SUZ12: variants seen among roughly 807,000 people sequenced by gnomAD.
The protein encoded by SUZ12 is polycomb protein SUZ12.
Under a neutral mutation model 87.3 loss-of-function variants are expected in SUZ12, and 17 were observed. That is an observed-to-expected ratio of 0.19 (90% confidence interval 0.13 to 0.29). SUZ12 has a LOEUF of 0.29. SUZ12 is among the 10% of genes least tolerant of loss of function. The pLI is 1.00. For missense variants in SUZ12, 526 were observed against 912.2 expected (o/e 0.58, Z 5.45); for synonymous variants, 253 against 312.4 (o/e 0.81, Z 2.01).
At chr17:31,996,975 A>G (rs915273487) in intron 15 of SUZ12, 98 bp downstream of exon 15, 1 of 827,044 alleles carries the variant, frequency 1.2e-6, no homozygotes, top group African/African-American at 1.8e-5. Context: ...AATCTTATTT[A>G]AAATTCCATT....
chr17:31,945,001 G>A (rs914968401), intron 3 of SUZ12, among the ~76,000 whole-genome samples: 137 of 147,244 alleles, frequency 9.3e-4, no homozygotes, highest in Non-Finnish European at 1.4e-3. Flanking sequence ...CCAGAAGTTC[G>A]AAGGTTGCTA....
chr17:31,941,509 G>A (rs549729191), intron 3 of SUZ12, among the ~76,000 whole-genome samples: 26 of 150,928 alleles, frequency 1.7e-4, no homozygotes, highest in Middle Eastern at 6.8e-3. Flanking sequence ...CACCCGCCTC[G>A]GCCTCCTAAA....
chr17:31,937,436 G>T lies in SUZ12; in HGVS notation c.190G>T (p.Ala64Ser), dbSNP rs1261008325. 11 of 1,541,236 alleles carry T rather than the reference G, an allele frequency of 7.1e-6. No homozygotes were observed. The highest frequency in any genetic ancestry group is 3.6e-5 in the South Asian group (3 of 83,710). ...CTCCTCCTCCTCCGCGGCGGCAGCG[G>T]CGGGGGCTGCGGTGTTACCGGTGAA... is the stretch of plus-strand genomic sequence containing the variant. ...ASSSSSAAAA[A>S]GAAVLPVKKP... Residue 64 changes from alanine to serine, a missense_variant, in exon 1 of 16, where the codon GCG becomes TCG. This residue lies in a region of SUZ12 where 92 missense variants were observed against 109.9 expected (regional missense o/e 0.84). Coordinates refer to ENST00000322652, the MANE Select transcript of SUZ12 (RefSeq NM_015355.4).
chr17:31,968,448 T>C (rs1407955856), intron 5 of SUZ12, among the ~76,000 whole-genome samples: 2 of 152,100 alleles, frequency 1.3e-5, no homozygotes, highest in African/African-American at 4.8e-5. Flanking sequence ...CCCAGGCTGG[T>C]CTCAAACTCC....
At chr17:31,941,844 C>T (rs1308939463) in intron 3 of SUZ12, among the ~76,000 whole-genome samples, 2 of 151,256 alleles carry the variant, frequency 1.3e-5, no homozygotes, top group Non-Finnish European at 2.9e-5. Context: ...CCACCATGCC[C>T]AGCCTGACCT....
chr17:31,956,060 C>T, intron 4 of SUZ12, among the ~76,000 whole-genome samples: 1 of 151,906 alleles, frequency 6.6e-6, no homozygotes, highest in Middle Eastern at 3.2e-3. Flanking sequence ...CTATAGGCGC[C>T]TGCCACCACG....
chr17:31,940,788 G>A (rs1249019918), intron 3 of SUZ12, among the ~76,000 whole-genome samples: 2 of 151,764 alleles, frequency 1.3e-5, no homozygotes, highest in South Asian at 2.1e-4. Flanking sequence ...CAAGTTGGGC[G>A]GATCACTTGA....
intron 3 of SUZ12, among the ~76,000 whole-genome samples, chr17:31,946,355 GA>G (rs1879755707): frequency 6.6e-6 from 1 of 152,120 alleles, no homozygotes; most frequent in Admixed American, 6.6e-5. Flanking sequence ...CCAACATGGT[GA>G]AACCCTGTCT....
intron 10 of SUZ12, among the ~76,000 whole-genome samples, chr17:31,990,303 G>T (rs781335049): frequency 3.3e-5 from 5 of 151,214 alleles, no homozygotes; most frequent in African/African-American, 4.9e-5. Context: ...GTAGAGATGG[G>T]GTTTCACCGT....
At chr17:31,953,092 G>A (rs904638259) in intron 4 of SUZ12, among the ~76,000 whole-genome samples, 1 of 152,028 alleles carries the variant, frequency 6.6e-6, no homozygotes, top group African/African-American at 2.4e-5. Flanking sequence ...ACTTTTATTA[G>A]GGTTATTTTC....
intron 3 of SUZ12, among the ~76,000 whole-genome samples, chr17:31,946,963 A>C (rs1906675663): frequency 6.6e-6 from 1 of 152,194 alleles, no homozygotes; most frequent in East Asian, 1.9e-4. Flanking sequence ...TGATGTCAAC[A>C]ACTGTCTCTT....
chr17:31,962,994 G>A (rs1447498487), intron 4 of SUZ12, among the ~76,000 whole-genome samples: 6 of 152,328 alleles, frequency 3.9e-5, no homozygotes, highest in African/African-American at 1.2e-4. Flanking sequence ...AGCTAATTCT[G>A]CTATGTAAGG....
intron 4 of SUZ12, among the ~76,000 whole-genome samples, chr17:31,958,846 A>AAAAG (rs1174096373): frequency 6.6e-6 from 1 of 151,896 alleles, no homozygotes; most frequent in Admixed American, 6.6e-5. Flanking sequence ...CTCTGTCTCA[A>AAAAG]AAATAAATAA....
rs146232202 is a variant in SUZ12 at position 31,986,950 on chromosome 17, A to G, written c.1024-1370A>G. ...AATAAATTGAAGCTCATTGAAGACT[A>G]CTTGATCTCTCCTATATTTGAATAG... On this transcript the variant is annotated intron_variant, in intron 9 of 15. Coordinates refer to ENST00000322652, the MANE Select transcript of SUZ12 (RefSeq NM_015355.4). 3.0e-3 allele frequency among the ~76,000 whole-genome samples: 461 copies of G among 152,346 alleles called. 2 individuals are homozygous for G. The highest frequency in any genetic ancestry group is 0.011 in the African/African-American group (441 of 41,582).
At position 31,937,206 on chromosome 17, in the gene SUZ12, G is replaced by T; in HGVS notation, c.-41G>T. On this transcript the variant is annotated 5_prime_UTR_variant, in exon 1 of 16. Transcript: ENST00000322652. ...TTGCAGGCGCTTGCTCTCCGGGGCC[G>T]CCCGGCGGGTAGCTGGCGGGGGGAG... is the stretch of plus-strand genomic sequence containing the variant. 1.4e-6 allele frequency: 2 copies of T among 1,394,416 alleles called. No homozygotes were observed. Among genetic ancestry groups the T allele is most frequent in the Non-Finnish European group, 1.8e-6 (2 of 1,084,796 alleles). The allele number at this position is 1,394,416 out of a possible 1,614,324, so 86.4% of individuals were successfully genotyped here.
intron 9 of SUZ12, among the ~76,000 whole-genome samples, chr17:31,986,167 C>T (rs1033297180): frequency 2.0e-5 from 3 of 152,168 alleles, no homozygotes; most frequent in Non-Finnish European, 4.4e-5. Flanking sequence ...GTCTCAAACT[C>T]CTGACCTAAG....
At chr17:31,968,800 C>G (rs1908243746) in intron 5 of SUZ12, among the ~76,000 whole-genome samples, 1 of 152,110 alleles carries the variant, frequency 6.6e-6, no homozygotes, top group Non-Finnish European at 1.5e-5. Flanking sequence ...CATTCATTAG[C>G]CCTTTGTTCT....
At position 31,944,464 on chromosome 17, in the gene SUZ12, C is replaced by T. The variant is rs1011227953; in HGVS notation, c.387-3153C>T. Among the ~76,000 whole-genome samples, 4 of 152,092 alleles carry T rather than the reference C, an allele frequency of 2.6e-5. No homozygotes were observed. The East Asian group carries it at 5.8e-4, about 22-fold the overall frequency. On this transcript the variant is annotated intron_variant, in intron 3 of 15. Coordinates refer to ENST00000322652, the MANE Select transcript of SUZ12 (RefSeq NM_015355.4). ...ATTTAAAATCTAAGTTCCATTTTCC[C>T]GTCATGTTTATTAATTTGTCCCATT...
chr17:31,954,204 A>T (rs1907161323), intron 4 of SUZ12, among the ~76,000 whole-genome samples: 1 of 152,048 alleles, frequency 6.6e-6, no homozygotes, highest in Non-Finnish European at 1.5e-5. Flanking sequence ...TTGGGATTAC[A>T]GGCACACACC....
Sources: gnomAD v4.1 joint callset for allele counts (sites outside exome capture counted in the v4.1 genomes callset) on GRCh38, gnomAD v4.1.1 for gene constraint, gnomAD v4.1.1 regional missense constraint, MANE v1.5 for transcripts, NCBI Gene and HGNC (gene_info 2026-07-23, HGNC 2026-07-21) for gene names.